PPP1R3A: variants seen among roughly 807,000 people sequenced by gnomAD.
PPP1R3A encodes RG1.
In PPP1R3A, 29 loss-of-function variants were observed where a neutral mutation model predicts 41.7. The observed-to-expected ratio is 0.70, with a 90% CI of 0.52 to 0.95. PPP1R3A has a LOEUF of 0.95. Ranked by LOEUF, PPP1R3A falls within the 40% of genes least tolerant of loss-of-function variation. The pLI is 0.00. For synonymous variants in PPP1R3A, 485 were observed against 453.4 expected (o/e 1.07, Z -0.89); for missense variants, 1,352 against 1,292.4 (o/e 1.05, Z -0.71).
At chr7:113,906,914 A>G (rs1311102566) in intron 1 of PPP1R3A, among the ~76,000 whole-genome samples, 1 of 151,794 alleles carries the variant, frequency 6.6e-6, no homozygotes, top group Non-Finnish European at 1.5e-5. Context: ...AGCCTAGAGA[A>G]AGGAAGGATC....
chr7:113,878,584 T>C lies in PPP1R3A; in HGVS notation c.2508A>G (p.Lys836=). 2 of 1,613,632 alleles carry C rather than the reference T, an allele frequency of 1.2e-6. No homozygotes were observed. The highest frequency in any genetic ancestry group is 1.7e-6 in the Non-Finnish European group (2 of 1,179,702). ...YNPRKTHDRE[K]CGTGNITSVE... is the part of the protein sequence containing the mutation. ...CAGATGTTATATTTCCAGTGCCACA[T>C]TTCTCCCTGTCATGTGTCTTCCTAG... The change falls in exon 4 of 4, where the codon AAA becomes AAG. Residue 836 remains lysine (K), a synonymous_variant. Transcript: ENST00000284601.
intron 1 of PPP1R3A, among the ~76,000 whole-genome samples, chr7:113,891,044 T>C (rs1447999012): frequency 7.0e-6 from 1 of 143,356 alleles, no homozygotes; most frequent in Non-Finnish European, 1.5e-5. Context: ...ATTATGTTAG[T>C]GTTCTTTCCA....
In PPP1R3A at chr7:113,882,191, G is replaced by C. The variant is rs753705702; in HGVS notation, c.842-28C>G. 1.9e-6 allele frequency: 3 copies of C among 1,606,192 alleles called. No individual in the cohort carries two copies. In the African/African-American group the frequency reaches 4.0e-5, roughly 21 times the overall value. On this transcript the variant is annotated intron_variant, in intron 2 of 3. Transcript: ENST00000284601. ...GAAAAGTTAATATAATTGTGCCTAT[G>C]TAAGATTGTTTTAATTGTAGACTTT...
chr7:113,905,721 A>G (rs1178097720), intron 1 of PPP1R3A, among the ~76,000 whole-genome samples: 2 of 151,802 alleles, frequency 1.3e-5, no homozygotes, highest in Non-Finnish European at 2.9e-5. Context: ...AGACTCTGCA[A>G]TCTCAAGATA....
intron 1 of PPP1R3A, among the ~76,000 whole-genome samples, chr7:113,901,519 C>A (rs988255621): frequency 6.6e-6 from 1 of 151,740 alleles, no homozygotes; most frequent in East Asian, 1.9e-4. Context: ...ATTAATTTCT[C>A]CTCAATGAAA....
At chr7:113,907,780 G>T (rs1797170478) in intron 1 of PPP1R3A, among the ~76,000 whole-genome samples, 1 of 151,790 alleles carries the variant, frequency 6.6e-6, no homozygotes, top group Non-Finnish European at 1.5e-5. Flanking sequence ...GTACCTGGAG[G>T]CTGCCTAGAA....
At chr7:113,899,562 T>G (rs1000597065) in intron 1 of PPP1R3A, among the ~76,000 whole-genome samples, 4 of 151,878 alleles carry the variant, frequency 2.6e-5, no homozygotes, top group Admixed American at 1.3e-4. Context: ...CATTATTCTT[T>G]TTGTGGATAG....
intron 1 of PPP1R3A, among the ~76,000 whole-genome samples, chr7:113,897,939 C>T (rs1797002852): frequency 6.6e-6 from 1 of 151,722 alleles, no homozygotes; most frequent in Non-Finnish European, 1.5e-5. Flanking sequence ...GTGCAAGAGC[C>T]AAACTCTGCT....
chr7:113,917,544 C>G (rs1256235747), intron 1 of PPP1R3A, among the ~76,000 whole-genome samples: 1 of 151,888 alleles, frequency 6.6e-6, no homozygotes, highest in African/African-American at 2.4e-5. Context: ...ATTTTTTGTT[C>G]TGCTCCATTG....
At chr7:113,905,530 T>C (rs1797131431) in intron 1 of PPP1R3A, among the ~76,000 whole-genome samples, 1 of 151,882 alleles carries the variant, frequency 6.6e-6, no homozygotes. Context: ...AACTTTTCTA[T>C]AAATCTAAAA....
rs376809464 is a variant in PPP1R3A at position 113,878,269 on chromosome 7, C to A, written c.2823G>T (p.Met941Ile). ...AIAVENAVTT[M>I]ASQPISTKSE... is the part of the protein sequence containing the mutation. The stretch of plus-strand genomic sequence containing the variant: ...ATTTCGTAGAAATAGGTTGGCTAGC[C>A]ATGGTAGTAACTGCATTCTCTACAG... The change falls in exon 4 of 4, where the codon ATG (methionine) becomes ATT (isoleucine). Residue 941 changes from methionine to isoleucine, a missense_variant. By Grantham distance (10) the Met-to-Ile change is conservative. Transcript: ENST00000284601. 3.1e-6 allele frequency: 5 copies of A among 1,613,022 alleles called. No homozygotes were observed. The highest frequency in any genetic ancestry group is 1.3e-5 in the African/African-American group (1 of 74,818).
intron 1 of PPP1R3A, among the ~76,000 whole-genome samples, chr7:113,907,035 AG>A (rs1284613704): frequency 6.6e-6 from 1 of 151,842 alleles, no homozygotes; most frequent in Non-Finnish European, 1.5e-5. Flanking sequence ...ATGTTTTCAA[AG>A]CACGCAAGTG....
At chr7:113,883,977 A>C (rs1796739248) in intron 1 of PPP1R3A, among the ~76,000 whole-genome samples, 1 of 152,010 alleles carries the variant, frequency 6.6e-6, no homozygotes, top group South Asian at 2.1e-4. Flanking sequence ...CTTAAAATGT[A>C]AATATAGAAA....
rs768806985 is a variant in PPP1R3A at position 113,918,687 on chromosome 7, AT to A, written c.309del (p.Glu103AspfsTer4). ...AAGTCAAACAGTGGGGCTAAAACAT[AT>A]TCTTCTGTGTGGAAAATGTCCGTCC... ...DLGTDIFHTE[E>X]YVLAPLFDLP... On this transcript the variant is annotated frameshift_variant, in exon 1 of 4. Transcript: ENST00000284601. LOFTEE classifies it high-confidence loss of function. The A allele has an allele frequency of 1.2e-6, 2 of 1,613,730 alleles. No individual in the cohort carries two copies. Among genetic ancestry groups the A allele is most frequent in the Non-Finnish European group, 8.5e-7 (1 of 1,179,822 alleles).
chr7:113,905,567 CT>C (rs1453898882), intron 1 of PPP1R3A, among the ~76,000 whole-genome samples: 1 of 151,666 alleles, frequency 6.6e-6, no homozygotes, highest in Non-Finnish European at 1.5e-5. Context: ...TTTAAAATAC[CT>C]TTTAAGTAGT....
intron 1 of PPP1R3A, among the ~76,000 whole-genome samples, chr7:113,901,458 G>T (rs1456435818): frequency 6.6e-6 from 1 of 151,646 alleles, no homozygotes; most frequent in Non-Finnish European, 1.5e-5. Flanking sequence ...GTGACAGTGT[G>T]TATATATATT....
chr7:113,879,345 G>A lies in PPP1R3A; in HGVS notation c.1747C>T (p.His583Tyr). The A allele has an allele frequency of 6.2e-7, 1 of 1,613,620 alleles. No individual in the cohort carries two copies. Among genetic ancestry groups the A allele is most frequent in the Non-Finnish European group, 8.5e-7 (1 of 1,179,718 alleles). Reference protein sequence around the residue: ...PTRAITADVSHSPRTNLSWEE... With the variant: ...PTRAITADVSYSPRTNLSWEE... ...CAACTTAAATTTGTCCTTGGTGAATGAGACACATCTGCTGTGATTGCCCGG... is the reference window on the plus strand; with the variant it reads ...CAACTTAAATTTGTCCTTGGTGAATAAGACACATCTGCTGTGATTGCCCGG... Residue 583 changes from histidine (H) to tyrosine (Y), a missense_variant, in exon 4 of 4, where the codon CAT becomes TAT. By Grantham distance (83) the His-to-Tyr change is moderately conservative. Transcript: ENST00000284601.
intron 1 of PPP1R3A, among the ~76,000 whole-genome samples, chr7:113,890,713 G>A (rs891865987): frequency 6.6e-6 from 1 of 151,908 alleles, no homozygotes; most frequent in African/African-American, 2.4e-5. Context: ...AAACATCAAT[G>A]GGGTAGAAAT....
Position 113,879,805 on chromosome 7 carries a change from T to C in PPP1R3A, c.1287A>G (p.Gln429=), listed in dbSNP as rs1318955876. The C allele has an allele frequency of 1.9e-6, 3 of 1,613,398 alleles. No homozygotes were observed. Among genetic ancestry groups the C allele is most frequent in the East Asian group, 2.2e-5 (1 of 44,834 alleles). Residue 429 remains glutamine (Q), a synonymous_variant, in exon 4 of 4, where the codon CAA becomes CAG. Coordinates refer to ENST00000284601, the MANE Select transcript of PPP1R3A (RefSeq NM_002711.4). ...LGDTSSDELV[Q]LHTGSKEVLD... Reference sequence around the variant, plus strand: ...GGACTTCTTTGCTGCCAGTATGTAATTGCACTAGTTCATCACTACTAGTAT... The same window carrying C: ...GGACTTCTTTGCTGCCAGTATGTAACTGCACTAGTTCATCACTACTAGTAT...
Sources: gnomAD v4.1 joint callset for allele counts (sites outside exome capture counted in the v4.1 genomes callset) on GRCh38, gnomAD v4.1.1 for gene constraint, MANE v1.5 for transcripts, NCBI Gene and HGNC (gene_info 2026-07-23, HGNC 2026-07-21) for gene names.